Variants in CSMD1 observed in about 807,000 individuals in gnomAD.
CSMD1 encodes CUB and sushi domain-containing protein 1.
CSMD1 carries 213 observed loss-of-function variants against 417.5 expected under a neutral mutation model. The ratio of observed to expected loss-of-function variants is 0.51; its 90% CI spans 0.46 to 0.57. The LOEUF (loss-of-function observed/expected upper bound fraction) is 0.57. Among genes scored for constraint, CSMD1 ranks in the 20% least tolerant of loss-of-function variants. The pLI is 0.00. For synonymous variants in CSMD1, 2,862 were observed against 1,736.8 expected (o/e 1.65, Z -16.11); for missense variants, 6,923 against 4,529.7 (o/e 1.53, Z -15.17).
intron 2 of CSMD1, among the ~76,000 whole-genome samples, chr8:4,447,840 ATAAACT>A (rs1216340042): frequency 6.6e-6 from 1 of 152,180 alleles, no homozygotes; most frequent in Non-Finnish European, 1.5e-5. Context: ...GATTTAAGTG[ATAAACT>A]TAAAAAAGTG....
chr8:3,578,977 C>G (rs950385289), intron 9 of CSMD1, among the ~76,000 whole-genome samples: 7 of 152,332 alleles, frequency 4.6e-5, no homozygotes, highest in Non-Finnish European at 7.3e-5. Context: ...CCTCTTTCTA[C>G]TCTTGCAAAG....
At chr8:4,698,844 A>G (rs1310137683) in intron 1 of CSMD1, among the ~76,000 whole-genome samples, 1 of 151,732 alleles carries the variant, frequency 6.6e-6, no homozygotes, top group East Asian at 1.9e-4. Context: ...AATCCTAACC[A>G]ATAGGGTTAC....
intron 5 of CSMD1, among the ~76,000 whole-genome samples, chr8:3,779,013 G>C (rs962475536): frequency 6.6e-6 from 1 of 152,144 alleles, no homozygotes; most frequent in South Asian, 2.1e-4. Context: ...TCAGCTCAGA[G>C]ACACCAGAAT....
intron 3 of CSMD1, among the ~76,000 whole-genome samples, chr8:4,043,502 T>A (rs1012698384): frequency 6.6e-6 from 1 of 152,092 alleles, no homozygotes; most frequent in Non-Finnish European, 1.5e-5. Flanking sequence ...GTATTTTAAA[T>A]ACAAACAGAC....
At chr8:4,338,571 T>C (rs1336375967) in intron 3 of CSMD1, among the ~76,000 whole-genome samples, 4 of 152,092 alleles carry the variant, frequency 2.6e-5, no homozygotes, top group Admixed American at 6.6e-5. Flanking sequence ...CTGGGTTTGA[T>C]AACACCTCTG....
chr8:4,521,961 G>C (rs1361831179), intron 2 of CSMD1, among the ~76,000 whole-genome samples: 1 of 152,142 alleles, frequency 6.6e-6, no homozygotes, highest in Non-Finnish European at 1.5e-5. Context: ...TTCCCAGATA[G>C]CCTGCCTTTT....
chr8:4,439,615 G>C (rs1184374121), intron 2 of CSMD1, among the ~76,000 whole-genome samples: 2 of 152,062 alleles, frequency 1.3e-5, no homozygotes, highest in African/African-American at 4.8e-5. Flanking sequence ...TTTGTTTTAA[G>C]GTAAAGTAAA....
chr8:3,476,909 C>A (rs74614542), intron 11 of CSMD1, among the ~76,000 whole-genome samples: 1 of 138,746 alleles, frequency 7.2e-6, no homozygotes, highest in Non-Finnish European at 1.5e-5. Flanking sequence ...CGAAACTCCG[C>A]CTCAAAAAAA....
At chr8:3,846,165 G>C (rs1420677816) in intron 5 of CSMD1, among the ~76,000 whole-genome samples, 1 of 152,148 alleles carries the variant, frequency 6.6e-6, no homozygotes, top group Admixed American at 6.6e-5. Context: ...CATTATGCAT[G>C]GTACATAAGT....
At chr8:3,753,500 G>C (rs1291162456) in intron 6 of CSMD1, among the ~76,000 whole-genome samples, 1 of 152,060 alleles carries the variant, frequency 6.6e-6, no homozygotes, top group African/African-American at 2.4e-5. Flanking sequence ...ACTGAATCAT[G>C]CATTTATGTG....
intron 8 of CSMD1, among the ~76,000 whole-genome samples, chr8:3,602,148 A>G (rs537315490): frequency 3.3e-5 from 5 of 152,352 alleles, no homozygotes; most frequent in East Asian, 1.9e-4. Context: ...GCTAAATTCT[A>G]TATTATGTGG....
chr8:4,134,876 T>C (rs1380124599), intron 3 of CSMD1, among the ~76,000 whole-genome samples: 1 of 152,224 alleles, frequency 6.6e-6, no homozygotes, highest in Non-Finnish European at 1.5e-5. Flanking sequence ...TAGAATAAAG[T>C]TACACAAATT....
chr8:4,839,598 A>G (rs1398901269), intron 1 of CSMD1, among the ~76,000 whole-genome samples: 1 of 152,158 alleles, frequency 6.6e-6, no homozygotes, highest in Non-Finnish European at 1.5e-5. Context: ...TAACATAGTT[A>G]TTTTCTGTTT....
In CSMD1 at chr8:3,760,162, G is replaced by A. The variant is rs941105521; in HGVS notation, c.819-6120C>T. On this transcript the variant is annotated intron_variant, in intron 5 of 69. Coordinates refer to ENST00000635120, the MANE Select transcript of CSMD1 (RefSeq NM_033225.6). ...GGTCTTCTTAAGGGAATTTTGACAT[G>A]CCCTATTTCTGGAGCATCTCAATCT... Among the ~76,000 whole-genome samples, 16 of 152,202 alleles carry A rather than the reference G, an allele frequency of 1.1e-4. No individual in the cohort carries two copies. In the East Asian group the frequency reaches 2.5e-3, roughly 24 times the overall value.
intron 3 of CSMD1, among the ~76,000 whole-genome samples, chr8:4,214,456 C>T (rs1800510562): frequency 6.6e-6 from 1 of 152,124 alleles, no homozygotes; most frequent in Admixed American, 6.5e-5. Context: ...CACCACCACA[C>T]TTGGCTAATG....
At chr8:3,527,951 G>A (rs1032193540) in intron 10 of CSMD1, among the ~76,000 whole-genome samples, 1 of 152,104 alleles carries the variant, frequency 6.6e-6, no homozygotes, top group Non-Finnish European at 1.5e-5. Flanking sequence ...AGTTTATCTG[G>A]CAGATTCTGT....
chr8:4,210,087 C>A (rs118074224), intron 3 of CSMD1, among the ~76,000 whole-genome samples: 1 of 152,136 alleles, frequency 6.6e-6, no homozygotes, highest in Non-Finnish European at 1.5e-5. Flanking sequence ...CCTCACCAGC[C>A]CTGTACCAGG....
intron 25 of CSMD1, among the ~76,000 whole-genome samples, chr8:3,289,516 T>G (rs1243129232): frequency 6.9e-6 from 1 of 144,480 alleles, no homozygotes; most frequent in Non-Finnish European, 1.5e-5. Flanking sequence ...ATGATCGCCA[T>G]TCTAACTGGT....
rs189782480 is a variant in CSMD1 at position 3,931,941 on chromosome 8, T to C, written c.818+65962A>G. ...AGATCACAGAACCCAATTGTAGCTG[T>C]AGAATCTAAAAAGGACTTTTTAAAA... On this transcript the variant is annotated intron_variant, in intron 5 of 69. Coordinates refer to ENST00000635120, the MANE Select transcript of CSMD1 (RefSeq NM_033225.6). Among the ~76,000 whole-genome samples the C allele has an allele frequency of 1.8e-3, 268 of 149,124 alleles. 13 individuals are homozygous for C. The highest frequency in any genetic ancestry group is 6.5e-3 in the African/African-American group (262 of 40,482).
Sources: allele counts gnomAD v4.1 joint callset (sites outside exome capture counted in the v4.1 genomes callset), GRCh38; gene constraint gnomAD v4.1.1; transcripts MANE v1.5; gene names NCBI Gene and HGNC (gene_info 2026-07-23, HGNC 2026-07-21).